Variants in CTNNA3 observed in about 807,000 individuals in gnomAD.
The protein encoded by CTNNA3 is catenin alpha-3.
Under a neutral mutation model 95.7 loss-of-function variants are expected in CTNNA3, and 76 were observed. The ratio of observed to expected loss-of-function variants is 0.79; its 90% CI spans 0.66 to 0.96. The LOEUF (loss-of-function observed/expected upper bound fraction) is 0.96. Ranked by LOEUF, CTNNA3 falls within the 40% of genes least tolerant of loss-of-function variation. The pLI, the probability that CTNNA3 is intolerant of heterozygous loss-of-function variation, is 0.00. For missense variants in CTNNA3, 1,191 were observed against 1,089.8 expected (o/e 1.09, Z -1.31); for synonymous variants, 431 against 374.4 (o/e 1.15, Z -1.74).
At chr10:66,425,688 A>ATG (rs1491422475) in intron 11 of CTNNA3, among the ~76,000 whole-genome samples, 2 of 118,948 alleles carry the variant, frequency 1.7e-5, no homozygotes, top group Non-Finnish European at 3.4e-5. Context: ...ATATATATAT[A>ATG]CACACACACA....
intron 7 of CTNNA3, among the ~76,000 whole-genome samples, chr10:67,140,637 T>G (rs930152772): frequency 2.6e-5 from 4 of 152,190 alleles, no homozygotes; most frequent in Non-Finnish European, 5.9e-5. Context: ...AGCAAACACG[T>G]TTATTTTTAA....
intron 15 of CTNNA3, among the ~76,000 whole-genome samples, chr10:66,026,155 G>T (rs1257774634): frequency 6.6e-6 from 1 of 152,154 alleles, no homozygotes; most frequent in Non-Finnish European, 1.5e-5. Flanking sequence ...CTCTGTCACT[G>T]AATGTCTGTG....
At chr10:67,001,315 A>G (rs1383996874) in intron 7 of CTNNA3, among the ~76,000 whole-genome samples, 1 of 150,906 alleles carries the variant, frequency 6.6e-6, no homozygotes, top group Non-Finnish European at 1.5e-5. Context: ...AAAAAAAAGA[A>G]AAAAAAAGAG....
At chr10:67,644,020 A>G (rs927803350) in intron 2 of CTNNA3, among the ~76,000 whole-genome samples, 13 of 152,196 alleles carry the variant, frequency 8.5e-5, no homozygotes, top group Non-Finnish European at 1.9e-4. Flanking sequence ...TTATAGTAGA[A>G]TGATTTATAA....
intron 5 of CTNNA3, among the ~76,000 whole-genome samples, chr10:67,480,186 T>G (rs1375015035): frequency 2.0e-5 from 3 of 152,014 alleles, no homozygotes; most frequent in African/African-American, 7.2e-5. Context: ...GCAATCCTAC[T>G]GAAACTATTC....
chr10:66,066,078 G>T (rs2080306847), intron 15 of CTNNA3, among the ~76,000 whole-genome samples: 1 of 151,982 alleles, frequency 6.6e-6, no homozygotes, highest in African/African-American at 2.4e-5. Flanking sequence ...GGTCAGGCTG[G>T]TCTCGAACTC....
At chr10:66,454,445 G>A (rs1322116830) in intron 11 of CTNNA3, among the ~76,000 whole-genome samples, 1 of 152,002 alleles carries the variant, frequency 6.6e-6, no homozygotes, top group Non-Finnish European at 1.5e-5. Flanking sequence ...GATACTGAGA[G>A]AAAACTAGAA....
At chr10:66,619,842 C>T (rs569434722) in intron 10 of CTNNA3, among the ~76,000 whole-genome samples, 10 of 151,596 alleles carry the variant, frequency 6.6e-5, no homozygotes, top group East Asian at 5.8e-4. Context: ...TACATGTGTA[C>T]GTGTATTTAT....
At chr10:66,764,405 T>C (rs1373033159) in intron 9 of CTNNA3, among the ~76,000 whole-genome samples, 1 of 152,200 alleles carries the variant, frequency 6.6e-6, no homozygotes, top group Non-Finnish European at 1.5e-5. Context: ...GATAAGCTGA[T>C]TTAATTTGTT....
At chr10:67,101,183 G>A (rs1376672021) in intron 7 of CTNNA3, among the ~76,000 whole-genome samples, 4 of 151,562 alleles carry the variant, frequency 2.6e-5, no homozygotes, top group East Asian at 1.9e-4. Context: ...TGTAGGCCCC[G>A]AGGTACAGAC....
At chr10:67,575,001 A>G (rs1248398230) in intron 3 of CTNNA3, among the ~76,000 whole-genome samples, 1 of 152,104 alleles carries the variant, frequency 6.6e-6, no homozygotes, top group Non-Finnish European at 1.5e-5. Context: ...GACTCTATAC[A>G]TTTTATTTAG....
intron 1 of CTNNA3, among the ~76,000 whole-genome samples, chr10:67,713,245 T>C (rs56295509): frequency 2.0e-5 from 3 of 152,216 alleles, no homozygotes. Flanking sequence ...TAACATCTCA[T>C]GCCAGTTAGA....
chr10:66,298,003 A>G (rs1200868363), intron 12 of CTNNA3, among the ~76,000 whole-genome samples: 1 of 152,222 alleles, frequency 6.6e-6, no homozygotes, highest in Non-Finnish European at 1.5e-5. Context: ...CCCTATAACT[A>G]GACTCCATAA....
At chr10:66,564,635 A>G (rs1008459842) in intron 10 of CTNNA3, among the ~76,000 whole-genome samples, 2 of 152,144 alleles carry the variant, frequency 1.3e-5, no homozygotes, top group Non-Finnish European at 2.9e-5. Flanking sequence ...GGGGACTTGA[A>G]AAGCACGGAC....
intron 9 of CTNNA3, among the ~76,000 whole-genome samples, chr10:66,685,253 G>A (rs1449452889): frequency 4.2e-5 from 5 of 119,458 alleles, no homozygotes; most frequent in African/African-American, 1.6e-4. Context: ...GTATATATAC[G>A]TATATATGTG....
intron 7 of CTNNA3, among the ~76,000 whole-genome samples, chr10:67,093,689 C>T (rs1465132131): frequency 6.6e-6 from 1 of 151,890 alleles, no homozygotes; most frequent in African/African-American, 2.4e-5. Flanking sequence ...CAAAAGATTG[C>T]TGAATTCACA....
chr10:67,046,806 T>C (rs557121329), intron 7 of CTNNA3, among the ~76,000 whole-genome samples: 1 of 152,280 alleles, frequency 6.6e-6, no homozygotes, highest in African/African-American at 2.4e-5. Flanking sequence ...TTGCCCTGAA[T>C]GCATGGCCCA....
At chr10:67,295,602 A>T (rs1185543017) in intron 5 of CTNNA3, among the ~76,000 whole-genome samples, 3 of 152,198 alleles carry the variant, frequency 2.0e-5, no homozygotes, top group African/African-American at 7.2e-5. Context: ...TTCAATTCCT[A>T]AAGTGGCAGA....
intron 12 of CTNNA3, among the ~76,000 whole-genome samples, chr10:66,323,472 T>G (rs1269959551): frequency 6.6e-6 from 1 of 151,576 alleles, no homozygotes; most frequent in Non-Finnish European, 1.5e-5. Flanking sequence ...GGTGAAAATT[T>G]GTCTCTACTA....
Sources: allele counts gnomAD v4.1 joint callset (sites outside exome capture counted in the v4.1 genomes callset), GRCh38; gene constraint gnomAD v4.1.1; transcripts MANE v1.5; gene names NCBI Gene and HGNC (gene_info 2026-07-23, HGNC 2026-07-21).